Variants in PRKCE observed in about 807,000 individuals in gnomAD.
PRKCE encodes the protein protein kinase C epsilon type.
In PRKCE, 16 loss-of-function variants were observed where a neutral mutation model predicts 85.4. That is an observed-to-expected ratio of 0.19 (90% CI 0.13 to 0.28). The LOEUF (loss-of-function observed/expected upper bound fraction) is 0.28, where lower values mean the gene tolerates loss of function less well. Among genes scored for constraint, PRKCE ranks in the 10% least tolerant of loss-of-function variants. The pLI is 1.00. For synonymous variants in PRKCE, 388 were observed against 371.5 expected (o/e 1.04, Z -0.51); for missense variants, 573 against 975.2 (o/e 0.59, Z 5.49).
At chr2:46,053,179 C>A (rs1336124401) in intron 10 of PRKCE, among the ~76,000 whole-genome samples, 1 of 152,196 alleles carries the variant, frequency 6.6e-6, no homozygotes, top group African/African-American at 2.4e-5. Flanking sequence ...AAGCCCCACT[C>A]TGGGGAGAAA....
At chr2:46,072,413 A>G (rs1455484101) in intron 10 of PRKCE, among the ~76,000 whole-genome samples, 1 of 152,254 alleles carries the variant, frequency 6.6e-6, no homozygotes, top group African/African-American at 2.4e-5. Flanking sequence ...GATGTCAACC[A>G]CGCTTTCTTG....
At chr2:45,973,064 G>C (rs2595208) in intron 2 of PRKCE, among the ~76,000 whole-genome samples, 123,934 of 152,208 alleles carry the variant, frequency 0.81, 51,079 homozygotes, top group East Asian at 0.97. Context: ...ACATATAGAC[G>C]AGTGGAACAA....
intron 10 of PRKCE, among the ~76,000 whole-genome samples, chr2:46,022,988 C>T (rs935689596): frequency 6.8e-5 from 10 of 146,122 alleles, no homozygotes; most frequent in South Asian, 2.2e-4. Flanking sequence ...GAGGCTGAGG[C>T]AGGAGAATGG....
At chr2:46,069,422 C>CA (rs200450745) in intron 10 of PRKCE, among the ~76,000 whole-genome samples, 329 of 147,850 alleles carry the variant, frequency 2.2e-3, no homozygotes, top group African/African-American at 4.8e-3. Context: ...ATATACTTTG[C>CA]AAAAAAAAAT....
intron 8 of PRKCE, among the ~76,000 whole-genome samples, 153 bp from the exon 9 acceptor site, chr2:46,007,309 G>C (rs944684611): frequency 6.6e-6 from 1 of 152,204 alleles, no homozygotes. Flanking sequence ...GTGAACAGAT[G>C]AAGGAACATA....
chr2:46,043,819 C>T (rs897159788), intron 10 of PRKCE, among the ~76,000 whole-genome samples: 2 of 152,218 alleles, frequency 1.3e-5, no homozygotes, highest in African/African-American at 4.8e-5. Context: ...TCAATTTGTT[C>T]TGAAAACATG....
intron 1 of PRKCE, among the ~76,000 whole-genome samples, chr2:45,767,150 A>T (rs1235655044): frequency 6.6e-6 from 1 of 152,164 alleles, no homozygotes; most frequent in Non-Finnish European, 1.5e-5. Flanking sequence ...TTTTCTAATT[A>T]TCAAATAATT....
intron 12 of PRKCE, among the ~76,000 whole-genome samples, chr2:46,147,557 T>C (rs1056587599): frequency 6.6e-6 from 1 of 152,238 alleles, no homozygotes; most frequent in African/African-American, 2.4e-5. Context: ...ACACTCTTCC[T>C]TCCTGCTCTG....
At chr2:45,710,366 T>G (rs1159229025) in intron 1 of PRKCE, among the ~76,000 whole-genome samples, 1 of 152,198 alleles carries the variant, frequency 6.6e-6, no homozygotes, top group Non-Finnish European at 1.5e-5. Context: ...CCCACTGAGG[T>G]ACACAGCCTC....
intron 1 of PRKCE, among the ~76,000 whole-genome samples, chr2:45,765,546 T>G (rs1684845764): frequency 6.6e-6 from 1 of 152,280 alleles, no homozygotes; most frequent in African/African-American, 2.4e-5. Flanking sequence ...CCAAAGTTCT[T>G]CATTCAATAC....
At chr2:45,833,309 T>C (rs902285917) in intron 1 of PRKCE, among the ~76,000 whole-genome samples, 1 of 152,348 alleles carries the variant, frequency 6.6e-6, no homozygotes, top group Non-Finnish European at 1.5e-5. Context: ...AGCTTGCCTC[T>C]GTTTCACATG....
At position 46,159,172 on chromosome 2, in the gene PRKCE, A is replaced by C. The variant is rs1222028041; in HGVS notation, c.1921-434A>C. Among the ~76,000 whole-genome samples the C allele has an allele frequency of 6.6e-6, 1 of 152,200 alleles. No individual in the cohort carries two copies. Among genetic ancestry groups the C allele is most frequent in the Non-Finnish European group, 1.5e-5 (1 of 68,038 alleles). ...CTCAAAAAGGACCGTTGACCCCTCC[A>C]TGTAAATGAGTTTATCAGACCTCAG... On this transcript the variant is annotated intron_variant, in intron 13 of 14. Transcript: ENST00000306156. This position sits in a 1 kb window ranked among gnomAD's most constrained non-coding sequence, Gnocchi z 4.1.
intron 2 of PRKCE, among the ~76,000 whole-genome samples, chr2:45,972,344 T>A (rs1702164775): frequency 6.6e-6 from 1 of 152,212 alleles, no homozygotes; most frequent in African/African-American, 2.4e-5. Context: ...TGTGGGAGTT[T>A]CTTATGTATT....
At chr2:45,791,932 C>A (rs1687067722) in intron 1 of PRKCE, among the ~76,000 whole-genome samples, 1 of 152,226 alleles carries the variant, frequency 6.6e-6, no homozygotes, top group Non-Finnish European at 1.5e-5. Flanking sequence ...GATAATGGCA[C>A]CTGTTCCACG....
chr2:45,917,952 C>A (rs1487407611), intron 2 of PRKCE, among the ~76,000 whole-genome samples: 1 of 152,182 alleles, frequency 6.6e-6, no homozygotes, highest in Admixed American at 6.5e-5. Context: ...GCAGGGCCGG[C>A]GGCCGGCTGC....
chr2:46,088,613 C>T (rs1214686572), intron 11 of PRKCE, among the ~76,000 whole-genome samples: 1 of 152,158 alleles, frequency 6.6e-6, no homozygotes, highest in Non-Finnish European at 1.5e-5. Context: ...TGAATATCAA[C>T]CATTGACTTC....
intron 10 of PRKCE, among the ~76,000 whole-genome samples, chr2:46,057,690 T>C (rs1001483732): frequency 1.3e-5 from 2 of 152,212 alleles, no homozygotes; most frequent in African/African-American, 4.8e-5. Context: ...CGGCTCAGCC[T>C]TCAAATTTTT....
chr2:45,980,276 C>T lies in PRKCE; in HGVS notation c.608-20C>T, dbSNP rs781053697. The T allele has an allele frequency of 1.9e-6, 3 of 1,598,724 alleles. No individual in the cohort carries two copies. The highest frequency in any genetic ancestry group is 1.7e-5 in the Admixed American group (1 of 60,006). ...CCTTTCCTGAGTGTCATTCAGCCTTCCTGTCTTTGCTATTTGCAGTCTGCA... is the reference window on the plus strand; with the variant it reads ...CCTTTCCTGAGTGTCATTCAGCCTTTCTGTCTTTGCTATTTGCAGTCTGCA... On this transcript the variant is annotated intron_variant, in intron 4 of 14. Coordinates refer to ENST00000306156, the MANE Select transcript of PRKCE (RefSeq NM_005400.3).
chr2:45,873,408 A>C (rs539166849), intron 2 of PRKCE, among the ~76,000 whole-genome samples: 1 of 152,012 alleles, frequency 6.6e-6, no homozygotes, highest in African/African-American at 2.4e-5. Flanking sequence ...TTGTGGTACA[A>C]GCTGCATACG....
Sources: allele counts gnomAD v4.1 joint callset (sites outside exome capture counted in the v4.1 genomes callset), GRCh38; gene constraint gnomAD v4.1.1; non-coding constraint Gnocchi (gnomAD v3.1); transcripts MANE v1.5; gene names NCBI Gene and HGNC (gene_info 2026-07-23, HGNC 2026-07-21).